The following LYG1 variants were observed in gnomAD, a reference collection of about 807,000 sequenced individuals.
LYG1 encodes the protein lysozyme g-like protein 1.
A neutral mutation model predicts 21.7 loss-of-function variants in LYG1; 17 were observed. The observed-to-expected ratio is 0.78, with a 90% confidence interval of 0.54 to 1.18. The LOEUF is 1.18. Ranked by LOEUF, LYG1 falls within the 50% of genes most tolerant of loss-of-function variation. LYG1 has a pLI of 0.00. For synonymous variants in LYG1, 81 were observed against 87.4 expected, an observed-to-expected ratio of 0.93 and a Z score of 0.41; for missense variants, 211 against 238.1, an observed-to-expected ratio of 0.89 and a Z score of 0.75.
chr2:99,302,775 T>C (rs2094158382), upstream of LYG1, among the ~76,000 whole-genome samples: 1 of 152,074 alleles, frequency 6.6e-6, no homozygotes, highest in East Asian at 1.9e-4. Context: ...TCCCAGCGCT[T>C]TGGGAGGCCG....
chr2:99,295,725 G>A, intron 2 of LYG1, 23 bp from the exon 3 acceptor site: 3 of 1,606,486 alleles, frequency 1.9e-6, no homozygotes, highest in Non-Finnish European at 2.6e-6. Flanking sequence ...AAATTAGCTT[G>A]AGAATACAAA....
intron 5 of LYG1, among the ~76,000 whole-genome samples, chr2:99,285,269 G>A (rs940867050): frequency 6.6e-6 from 1 of 152,062 alleles, no homozygotes; most frequent in Non-Finnish European, 1.5e-5. Context: ...GGCTGAGGTG[G>A]GAGGATCACC....
intron 5 of LYG1, among the ~76,000 whole-genome samples, chr2:99,288,119 A>G (rs899449650): frequency 9.2e-5 from 14 of 152,212 alleles, no homozygotes; most frequent in Non-Finnish European, 1.9e-4. Context: ...TTATAGTAAT[A>G]ATAATTTATG....
intron 5 of LYG1, among the ~76,000 whole-genome samples, chr2:99,287,465 A>C (rs2105290039): frequency 6.6e-6 from 1 of 152,318 alleles, no homozygotes. Flanking sequence ...TCTGTACAAC[A>C]AACCCCCATG....
At chr2:99,296,822 A>C (rs1054157520) in intron 2 of LYG1, among the ~76,000 whole-genome samples, 1 of 152,226 alleles carries the variant, frequency 6.6e-6, no homozygotes, top group African/African-American at 2.4e-5. Context: ...TCAAACACCC[A>C]GGAAGAGATC....
intron 6 of LYG1, 71 bp from the exon 7 acceptor site, chr2:99,284,582 T>A (rs988483077): frequency 3.8e-6 from 6 of 1,591,666 alleles, no homozygotes; most frequent in African/African-American, 2.7e-5. Context: ...CTTTACTAAC[T>A]ACCTAACAGG....
intron 2 of LYG1, among the ~76,000 whole-genome samples, chr2:99,296,995 G>A (rs1443748567): frequency 6.6e-6 from 1 of 152,260 alleles, no homozygotes; most frequent in African/African-American, 2.4e-5. Context: ...TCCATCCTGG[G>A]AAACAGAGCA....
rs1458691866 is a variant in LYG1, at chr2:99,284,827, G to A, written c.334-7C>T. On this transcript the variant is annotated splice_region_variant and splice_polypyrimidine_tract_variant and intron_variant, in intron 5 of 6. Coordinates refer to ENST00000308528, the MANE Select transcript of LYG1 (RefSeq NM_174898.3). ...GAGCTTGAGAGCCAGGGTCCTGCAG[G>A]GAAGGAGGCAGAGAAGAAGCCACGT... The A allele has an allele frequency of 3.1e-6, 5 of 1,612,038 alleles. No individual in the cohort carries two copies. In the South Asian group the frequency reaches 5.5e-5, roughly 18 times the overall value.
At chr2:99,285,414 C>A (rs2094096194) in intron 5 of LYG1, among the ~76,000 whole-genome samples, 1 of 151,260 alleles carries the variant, frequency 6.6e-6, no homozygotes, top group Non-Finnish European at 1.5e-5. Flanking sequence ...AGTAAGGAGA[C>A]AAAGAACAGA....
At chr2:99,298,794 G>A (rs2094145025) in intron 1 of LYG1, among the ~76,000 whole-genome samples, 5 of 152,048 alleles carry the variant, frequency 3.3e-5, no homozygotes, top group Admixed American at 2.6e-4. Context: ...CATTAGGCAT[G>A]GTCTCCTGCT....
intron 4 of LYG1, 104 bp from the exon 5 acceptor site, chr2:99,291,525 G>A (rs1365978527): frequency 6.3e-6 from 8 of 1,273,014 alleles, no homozygotes; most frequent in East Asian, 2.5e-5. Flanking sequence ...AGTAATGGTC[G>A]AGGACTGACA....
chr2:99,301,510 A>AAGGGAGGG (rs374513599), upstream of LYG1, among the ~76,000 whole-genome samples: 74 of 111,000 alleles, frequency 6.7e-4, no homozygotes, highest in African/African-American at 2.3e-3. Flanking sequence ...GGAAGGAAGG[A>AAGGGAGGG]AGGGAGGGAG....
In LYG1 at chr2:99,289,469, A is replaced by G. The variant is rs975003409; in HGVS notation, c.333+1768T>C. On this transcript the variant is annotated intron_variant, in intron 5 of 6. Transcript: ENST00000308528. ...AGACCCTGTCTTAAAAAAAAAAAAA[A>G]TCTGTTAAGATGATAGATCTCATGT... Among the ~76,000 whole-genome samples the G allele has an allele frequency of 2.0e-5, 3 of 150,760 alleles. No individual in the cohort carries two copies. In the South Asian group the frequency reaches 6.3e-4, roughly 32 times the overall value.
At chr2:99,295,558 A>G (rs970756710) in intron 3 of LYG1, 70 bp downstream of exon 3, 6 of 1,535,442 alleles carry the variant, frequency 3.9e-6, no homozygotes, top group East Asian at 2.2e-5. Context: ...CAAGTATTAG[A>G]AGTGCCATTG....
chr2:99,296,376 A>C (rs2094136434), intron 2 of LYG1, among the ~76,000 whole-genome samples: 2 of 152,160 alleles, frequency 1.3e-5, no homozygotes, highest in Admixed American at 1.3e-4. Context: ...GCTCATGGGC[A>C]GGGGTCCCAG....
intron 2 of LYG1, among the ~76,000 whole-genome samples, chr2:99,296,254 C>A (rs965563033): frequency 6.6e-6 from 1 of 152,110 alleles, no homozygotes; most frequent in Admixed American, 6.5e-5. Flanking sequence ...CCCTTTATCA[C>A]CTTGAGCCAT....
At chr2:99,289,990 C>G (rs1339556516) in intron 5 of LYG1, among the ~76,000 whole-genome samples, 1 of 152,060 alleles carries the variant, frequency 6.6e-6, no homozygotes, top group Non-Finnish European at 1.5e-5. Context: ...TCCCAAGTAG[C>G]TGGAATTACA....
chr2:99,296,728 G>C (rs1322078830), intron 2 of LYG1, among the ~76,000 whole-genome samples: 5 of 152,212 alleles, frequency 3.3e-5, no homozygotes, highest in African/African-American at 1.2e-4. Flanking sequence ...ATGTAGGAAT[G>C]TGCATATAAA....
Position 99,284,747 on chromosome 2 carries a change from G to A in LYG1, c.407C>T (p.Thr136Ile), listed in dbSNP as rs781643061. The A allele has an allele frequency of 3.1e-6, 5 of 1,614,070 alleles. No homozygotes were observed. Among genetic ancestry groups the A allele is most frequent in the Non-Finnish European group, 4.2e-6 (5 of 1,180,026 alleles). ...QVSQTTEVLT[T>I]RIKEIQRRFP... is the part of the protein sequence containing the mutation. ...CCTCCTCTGGATTTCTTTGATTCTA[G>A]TAGTCAGAACTTCAGTTGTCTGGGA... is the stretch of plus-strand genomic sequence containing the variant. Residue 136 changes from threonine to isoleucine, a missense_variant, in exon 6 of 7, where the codon ACT becomes ATT. By Grantham distance (89) the Thr-to-Ile change is moderately conservative (BLOSUM62 -1). Coordinates refer to ENST00000308528, the MANE Select transcript of LYG1 (RefSeq NM_174898.3).
Sources: gnomAD v4.1 joint callset for allele counts (sites outside exome capture counted in the v4.1 genomes callset) on GRCh38, gnomAD v4.1.1 for gene constraint, MANE v1.5 for transcripts, NCBI Gene and HGNC (gene_info 2026-07-23, HGNC 2026-07-21) for gene names.